The following RIMS1 variants were observed in gnomAD, a reference collection of about 807,000 sequenced individuals.
The protein encoded by RIMS1 is regulating synaptic membrane exocytosis 1, also known as regulating synaptic membrane exocytosis protein 1.
In RIMS1, 83 loss-of-function variants were observed where a neutral mutation model predicts 214.1. The ratio of observed to expected loss-of-function variants is 0.39; its 90% CI spans 0.32 to 0.47. The LOEUF (loss-of-function observed/expected upper bound fraction) is 0.47. RIMS1 is among the 20% of genes least tolerant of loss of function. RIMS1 has a pLI of 0.99. For synonymous variants in RIMS1, 793 were observed against 786.8 expected (o/e 1.01, Z -0.13); for missense variants, 2,050 against 2,161.8 (o/e 0.95, Z 1.03).
At chr6:72,176,384 T>C (rs1245491681) in intron 4 of RIMS1, among the ~76,000 whole-genome samples, 1 of 152,198 alleles carries the variant, frequency 6.6e-6, no homozygotes, top group Non-Finnish European at 1.5e-5. Context: ...CTTCAAAAAA[T>C]GTACTGTAGA....
At chr6:72,047,639 A>C (rs1823436844) in intron 2 of RIMS1, among the ~76,000 whole-genome samples, 1 of 152,132 alleles carries the variant, frequency 6.6e-6, no homozygotes. Context: ...CCTCATTGGC[A>C]ATCTGGAATG....
At chr6:71,941,617 C>T (rs1161536120) in intron 1 of RIMS1, among the ~76,000 whole-genome samples, 3 of 152,142 alleles carry the variant, frequency 2.0e-5, no homozygotes, top group Non-Finnish European at 2.9e-5. Context: ...AGAAGTCAGC[C>T]CTTTCCTCCA....
At chr6:72,193,226 C>T (rs2153983499) in intron 6 of RIMS1, among the ~76,000 whole-genome samples, 1 of 152,280 alleles carries the variant, frequency 6.6e-6, no homozygotes, top group African/African-American at 2.4e-5. Context: ...GTTTCCCCTC[C>T]TTGGGAATTT....
chr6:71,931,143 C>T (rs958647619), intron 1 of RIMS1, among the ~76,000 whole-genome samples: 2 of 151,900 alleles, frequency 1.3e-5, no homozygotes, highest in African/African-American at 4.8e-5. Context: ...AAATAGTAAG[C>T]CCTAAATAAT....
chr6:71,939,872 A>C (rs1334478502), intron 1 of RIMS1, among the ~76,000 whole-genome samples: 3 of 152,198 alleles, frequency 2.0e-5, no homozygotes. Flanking sequence ...TCCTGAGATA[A>C]ATAACTCAAT....
In RIMS1 at chr6:72,313,629, A is replaced by G; in HGVS notation, c.4087A>G (p.Ser1363Gly). The change falls in exon 28 of 34, where the codon AGC becomes GGC. Residue 1363 changes from serine (S) to glycine (G), a missense_variant. Physicochemically the swap from Ser to Gly is moderately conservative, Grantham distance 56. Transcript: ENST00000521978. The part of the protein sequence containing the change: ...TSSASRLSST[S>G]FMSEQSERPR... The stretch of plus-strand genomic sequence containing the variant: ...CAGTGCCTCACGCCTCAGCAGCACA[A>G]GCTTTATGTCAGAGCAATCTGAGCG... The G allele has an allele frequency of 6.2e-7, 1 of 1,613,582 alleles. No individual in the cohort carries two copies. The highest frequency in any genetic ancestry group is 8.5e-7 in the Non-Finnish European group (1 of 1,179,698).
rs912729866 is a variant in RIMS1 at position 72,374,688 on chromosome 6, A to G, written c.4367-15910A>G. On this transcript the variant is annotated intron_variant, in intron 29 of 33. Coordinates refer to ENST00000521978, the MANE Select transcript of RIMS1 (RefSeq NM_014989.7). ...CCAGGGACCAGTTTTGTGGAAGACA[A>G]TTTTTCCATGGACCAGGGGGTAAAG... Among the ~76,000 whole-genome samples, 11 of 152,070 alleles carry G rather than the reference A, an allele frequency of 7.2e-5. 1 individual carries two copies. The highest frequency in any genetic ancestry group is 2.4e-5 in the African/African-American group (1 of 41,410).
intron 29 of RIMS1, among the ~76,000 whole-genome samples, chr6:72,363,085 A>T (rs944364291): frequency 2.6e-5 from 4 of 152,186 alleles, no homozygotes; most frequent in African/African-American, 7.2e-5. Flanking sequence ...CTACACGGGG[A>T]CTTAACCTAG....
rs2045463845 is a variant in RIMS1, at chr6:72,161,810, A to G, written c.472-17765A>G. Reference sequence around the variant, plus strand: ...GCTGAGGAGAGCTTTACTTCCAACTATGTGGTCAACTTTGGAATAAGTGTG... The same window carrying G: ...GCTGAGGAGAGCTTTACTTCCAACTGTGTGGTCAACTTTGGAATAAGTGTG... On this transcript the variant is annotated intron_variant, in intron 4 of 33. Transcript: ENST00000521978. Among the ~76,000 whole-genome samples the G allele has an allele frequency of 1.4e-5, 2 of 140,070 alleles. 1 individual carries two copies. The highest frequency in any genetic ancestry group is 1.5e-4 in the Admixed American group (2 of 13,586). 91.9% of individuals were successfully genotyped at this position (140,070 alleles called of 152,430 possible). A position where few individuals can be genotyped will look rare whatever the true frequency, so the allele number is the denominator to read the frequency against.
rs557697529 is a variant in RIMS1 at position 72,261,122 on chromosome 6, G to A, written c.3116+355G>A. Reference sequence around the variant, plus strand: ...ACATATTCCTGTCTAGTCACAAGAGGTCTAATCTGTGTATGGCAGTGTCAT... The same window carrying A: ...ACATATTCCTGTCTAGTCACAAGAGATCTAATCTGTGTATGGCAGTGTCAT... On this transcript the variant is annotated intron_variant, in intron 19 of 33. Transcript: ENST00000521978. 539 of 1,174,346 alleles carry A rather than the reference G, an allele frequency of 4.6e-4. 1 individual carries two copies. Among genetic ancestry groups the A allele is most frequent in the South Asian group, 5.6e-4 (32 of 56,906 alleles). The allele number at this position is 1,174,346 out of a possible 1,614,324, so 72.7% of individuals were successfully genotyped here. A position where few individuals can be genotyped will look rare whatever the true frequency, so the allele number is the denominator to read the frequency against.
chr6:72,261,941 TATTA>T, intron 19 of RIMS1: 1 of 984,620 alleles, frequency 1.0e-6, no homozygotes, highest in Non-Finnish European at 1.2e-6. Flanking sequence ...TATCCAGGTT[TATTA>T]TTACTTGTTC....
intron 29 of RIMS1, among the ~76,000 whole-genome samples, chr6:72,376,578 T>A (rs1364974783): frequency 6.6e-6 from 1 of 152,022 alleles, no homozygotes; most frequent in Non-Finnish European, 1.5e-5. Flanking sequence ...AAACCCTGTC[T>A]CTACAAAATC....
intron 2 of RIMS1, among the ~76,000 whole-genome samples, chr6:72,082,773 A>C (rs1232161772): frequency 2.6e-5 from 4 of 152,188 alleles, no homozygotes; most frequent in Non-Finnish European, 5.9e-5. Flanking sequence ...AAGTGGCCAC[A>C]TAGAGACCCT....
intron 4 of RIMS1, among the ~76,000 whole-genome samples, chr6:72,144,325 A>G (rs2042434546): frequency 6.6e-6 from 1 of 152,224 alleles, no homozygotes; most frequent in Non-Finnish European, 1.5e-5. Flanking sequence ...AGTAACATCT[A>G]CTTAACTTCT....
At chr6:72,238,950 T>C (rs1229477934) in intron 9 of RIMS1, among the ~76,000 whole-genome samples, 1 of 152,134 alleles carries the variant, frequency 6.6e-6, no homozygotes, top group African/African-American at 2.4e-5. Context: ...TGCAGGTGTA[T>C]AGGAAGAAAA....
At chr6:71,923,883 G>A (rs946436452) in intron 1 of RIMS1, among the ~76,000 whole-genome samples, 2 of 152,046 alleles carry the variant, frequency 1.3e-5, no homozygotes, top group African/African-American at 4.8e-5. Context: ...TCTTAAAATG[G>A]CATTTGAGGA....
chr6:72,139,417 T>C (rs1164725910), intron 4 of RIMS1, among the ~76,000 whole-genome samples: 1 of 152,172 alleles, frequency 6.6e-6, no homozygotes, highest in Admixed American at 6.5e-5. Context: ...AGGCCCTTTC[T>C]AAAAACTTCT....
chr6:72,062,620 A>G (rs913553186), intron 2 of RIMS1, among the ~76,000 whole-genome samples: 1 of 152,232 alleles, frequency 6.6e-6, no homozygotes, highest in Non-Finnish European at 1.5e-5. Flanking sequence ...GAAGACAGGT[A>G]TAATGATTTC....
chr6:72,221,996 A>G (rs1283271021), intron 6 of RIMS1, among the ~76,000 whole-genome samples: 5 of 152,108 alleles, frequency 3.3e-5, no homozygotes, highest in African/African-American at 1.2e-4. Context: ...TGAGTTAAAC[A>G]TATTTACTGT....
Sources: allele counts gnomAD v4.1 joint callset (sites outside exome capture counted in the v4.1 genomes callset), GRCh38; gene constraint gnomAD v4.1.1; transcripts MANE v1.5; gene names NCBI Gene and HGNC (gene_info 2026-07-23, HGNC 2026-07-21).